The following ZNF91 variants were observed in gnomAD, a reference collection of about 807,000 sequenced individuals.
ZNF91 encodes zinc finger protein 91 (HPF7, HTF10).
In ZNF91, 7 loss-of-function variants were observed where a neutral mutation model predicts 12.6. That is an observed-to-expected ratio of 0.55 (90% CI 0.31 to 1.04). The LOEUF is 1.04. Among genes scored for constraint, ZNF91 ranks in the 50% least tolerant of loss-of-function variants. The pLI, the probability that ZNF91 is intolerant of heterozygous loss-of-function variation, is 0.05. For synonymous variants in ZNF91, 453 were observed against 462.6 expected, an observed-to-expected ratio of 0.98 and a Z score of 0.27; for missense variants, 1,217 against 1,385.4, an observed-to-expected ratio of 0.88 and a Z score of 1.93.
At chr19:23,337,628 C>T (rs896072080), downstream of ZNF91, among the ~76,000 whole-genome samples, 8 of 151,852 alleles carry the variant, frequency 5.3e-5, no homozygotes, top group Non-Finnish European at 8.8e-5. Flanking sequence ...CACAATAATT[C>T]TCCAGTACTC....
chr19:23,374,069 TGTGA>T (rs1267390275), intron 2 of ZNF91, among the ~76,000 whole-genome samples: 1 of 152,124 alleles, frequency 6.6e-6, no homozygotes, highest in Non-Finnish European at 1.5e-5. Flanking sequence ...GATTTTAAGG[TGTGA>T]GTAACAGTAT....
At chr19:23,342,141 T>C (rs1202373117) in intron 3 of ZNF91, 2 of 442,668 alleles carry the variant, frequency 4.5e-6, no homozygotes, top group Non-Finnish European at 8.3e-6. Flanking sequence ...CCCTCGTCTC[T>C]GTTATCTGCT....
rs773776101 is a variant in ZNF91, at chr19:23,361,237, T to C, written c.1742A>G (p.Lys581Arg). The C allele has an allele frequency of 4.3e-6, 7 of 1,613,560 alleles. No individual in the cohort carries two copies. Among genetic ancestry groups the C allele is most frequent in the Middle Eastern group, 1.6e-4 (1 of 6,074 alleles). ...KKLYKCEECGKAFNHSSSLST... is the reference protein window; with the variant it reads ...KKLYKCEECGRAFNHSSSLST... Reference sequence around the variant, plus strand: ...AAGACTTGAGGAATGATTAAAAGCTTTGCCACATTCTTCACATTTGTAGAG... The same window carrying C: ...AAGACTTGAGGAATGATTAAAAGCTCTGCCACATTCTTCACATTTGTAGAG... The change falls in exon 4 of 4, where the codon AAA becomes AGA. Residue 581 changes from lysine (K) to arginine (R), a missense_variant. Lys to Arg is a conservative substitution (Grantham distance 26). This residue lies in a region of ZNF91 where 726 missense variants were observed against 895.5 expected (regional missense o/e 0.81). Transcript: ENST00000300619.
At chr19:23,337,148 CT>C (rs1206518583), downstream of ZNF91, among the ~76,000 whole-genome samples, 1 of 152,004 alleles carries the variant, frequency 6.6e-6, no homozygotes, top group African/African-American at 2.4e-5. Flanking sequence ...CCTTCTTACT[CT>C]TTCATGTCAG....
intron 1 of ZNF91, among the ~76,000 whole-genome samples, chr19:23,393,742 G>GT (rs1250311734): frequency 6.6e-6 from 1 of 152,184 alleles, no homozygotes; most frequent in Non-Finnish European, 1.5e-5. Context: ...GCTCACGTCT[G>GT]TAATCCCAGC....
At chr19:23,379,500 T>C (rs939807982) in intron 1 of ZNF91, among the ~76,000 whole-genome samples, 4 of 152,172 alleles carry the variant, frequency 2.6e-5, no homozygotes, top group African/African-American at 9.7e-5. Context: ...CTTAAGAGAT[T>C]GAAAAGAAAT....
chr19:23,308,195 G>A (rs1967423250), intron 2 of ZNF91: 1 of 152,148 alleles, frequency 6.6e-6, no homozygotes, highest in African/African-American at 2.4e-5. Flanking sequence ...GAAGGCTTCA[G>A]TCTGGACCCT....
downstream of ZNF91, among the ~76,000 whole-genome samples, chr19:23,354,651 C>A (rs1968444761): frequency 6.6e-6 from 1 of 152,076 alleles, no homozygotes; most frequent in African/African-American, 2.4e-5. Context: ...AAATGAAGGG[C>A]ATCCAAATCA....
rs1440476077 is a variant in ZNF91, at chr19:23,361,107, G to A, written c.1872C>T (p.His624=). 2.5e-5 allele frequency: 41 copies of A among 1,610,250 alleles called. No homozygotes were observed. Among genetic ancestry groups the A allele is most frequent in the African/African-American group, 4.1e-5 (3 of 73,660 alleles). Reference sequence around the variant, plus strand: ...CACATTTGTAGGGTTTCTCTCCAGTGTGTATCCTCTTATGTCTTCTTAGGG... The same window carrying A: ...CACATTTGTAGGGTTTCTCTCCAGTATGTATCCTCTTATGTCTTCTTAGGG... ...SSTLRRHKRI[H]TGEKPYKCEE... The change falls in exon 4 of 4, where the codon CAC becomes CAT. Residue 624 remains histidine, a synonymous_variant. Coordinates refer to ENST00000300619, the MANE Select transcript of ZNF91 (RefSeq NM_003430.4).
intron 1 of ZNF91, among the ~76,000 whole-genome samples, chr19:23,377,883 T>TG (rs1568398717): frequency 6.6e-6 from 1 of 152,192 alleles, no homozygotes; most frequent in Non-Finnish European, 1.5e-5. Context: ...ACCCTGTGAG[T>TG]TGATACTAAG....
chr19:23,357,785 A>G lies in ZNF91; in HGVS notation c.*1618T>C, dbSNP rs994699895. 1 of 152,214 alleles carries G rather than the reference A, an allele frequency of 6.6e-6. No individual in the cohort carries two copies. The highest frequency in any genetic ancestry group is 1.5e-5 in the Non-Finnish European group (1 of 68,020). The allele number at this position is 152,214 out of a possible 1,614,324, so 9.4% of individuals were successfully genotyped here. ...CAACAATTTAATTGTACATTTAAAA[A>G]TAACTAAAACTGTAGAATTGAATTA... On this transcript the variant is annotated 3_prime_UTR_variant, in exon 4 of 4. Coordinates refer to ENST00000300619, the MANE Select transcript of ZNF91 (RefSeq NM_003430.4).
In ZNF91 at chr19:23,307,090, T is replaced by C. The variant is rs139177180; in HGVS notation, n.277+226A>G. ...ACAGGCCACCGTGTCCGGCCAACTT[T>C]TTCCTTCTTTACACGTTCTGCCCAC... On this transcript the variant is annotated intron_variant and non_coding_transcript_variant, in intron 3 of 3. Transcript: ENST00000593292. 8.3e-4 allele frequency: 126 copies of C among 152,318 alleles called. 1 individual carries two copies. Among genetic ancestry groups the C allele is most frequent in the African/African-American group, 2.9e-3 (120 of 41,574 alleles). The allele number at this position is 152,318 out of a possible 1,614,324, so 9.4% of individuals were successfully genotyped here. A position where few individuals can be genotyped will look rare whatever the true frequency, so the allele number is the denominator to read the frequency against.
chr19:23,388,170 C>T (rs1055551665), intron 1 of ZNF91, among the ~76,000 whole-genome samples: 11 of 151,820 alleles, frequency 7.2e-5, no homozygotes, highest in African/African-American at 1.5e-4. Context: ...TGCTGGAACC[C>T]GAGAGGCGGA....
chr19:23,394,549 G>T (rs1247276434), intron 1 of ZNF91, among the ~76,000 whole-genome samples: 1 of 151,966 alleles, frequency 6.6e-6, no homozygotes, highest in Non-Finnish European at 1.5e-5. Flanking sequence ...TGGCCAACAA[G>T]GTGAAACCCC....
upstream of ZNF91, among the ~76,000 whole-genome samples, chr19:23,311,401 A>T (rs1967469242): frequency 6.6e-6 from 1 of 151,884 alleles, no homozygotes; most frequent in African/African-American, 2.4e-5. Context: ...AGGCATTACG[A>T]TATATTTTTT....
chr19:23,373,718 T>C (rs745848571), intron 3 of ZNF91, 24 bp downstream of exon 3: 1 of 1,585,170 alleles, frequency 6.3e-7, no homozygotes, highest in East Asian at 2.3e-5. Flanking sequence ...ATCCTTGTCG[T>C]CTGTTGTATT....
chr19:23,338,129 T>C (rs1245523453), downstream of ZNF91: 2 of 152,028 alleles, frequency 1.3e-5, no homozygotes, highest in Non-Finnish European at 2.9e-5. Flanking sequence ...GAATTAGACA[T>C]ACATACACAG....
At chr19:23,327,185 T>A (rs1265833816) in intron 1 of ZNF91, 1 of 152,208 alleles carries the variant, frequency 6.6e-6, no homozygotes, top group South Asian at 2.1e-4. Flanking sequence ...TAAATCTTGC[T>A]TGATGTGTGT....
chr19:23,372,944 A>T (rs569183090), intron 3 of ZNF91, among the ~76,000 whole-genome samples: 1 of 152,340 alleles, frequency 6.6e-6, no homozygotes, highest in African/African-American at 2.4e-5. Flanking sequence ...CCTGCAGAGC[A>T]AAGTCCTGAA....
Sources: gnomAD v4.1 joint callset for allele counts (sites outside exome capture counted in the v4.1 genomes callset) on GRCh38, gnomAD v4.1.1 for gene constraint, gnomAD v4.1.1 regional missense constraint, MANE v1.5 for transcripts, NCBI Gene and HGNC (gene_info 2026-07-23, HGNC 2026-07-21) for gene names.